Variants in ALDH3A2 observed in about 807,000 individuals in gnomAD.
The protein encoded by ALDH3A2 is aldehyde dehydrogenase family 3 member A2.
Under a neutral mutation model 51.3 loss-of-function variants are expected in ALDH3A2, and 36 were observed. The ratio of observed to expected loss-of-function variants is 0.70; its 90% CI spans 0.54 to 0.93. The LOEUF is 0.93. Ranked by LOEUF, ALDH3A2 falls within the 40% of genes least tolerant of loss-of-function variation. ALDH3A2 has a pLI of 0.00. For missense variants in ALDH3A2, 552 were observed against 603.1 expected, an observed-to-expected ratio of 0.92 and a Z score of 0.89; for synonymous variants, 199 against 219.8, an observed-to-expected ratio of 0.91 and a Z score of 0.84.
chr17:19,671,677 A>G, intron 8 of ALDH3A2, 44 bp from the exon 9 acceptor site: 2 of 1,543,640 alleles, frequency 1.3e-6, no homozygotes, highest in East Asian at 2.2e-5. Context: ...AGTAGCTTGC[A>G]TCATCTACAG....
chr17:19,648,939 C>T lies in ALDH3A2; in HGVS notation c.-33C>T, dbSNP rs2084773323. ...TTCCCGCCTCCCACTCCCCAGCGCC[C>T]CCGGACCGTGCAGTTCTCTGCAGGA... On this transcript the variant is annotated 5_prime_UTR_variant, in exon 1 of 10. Transcript: ENST00000176643. 1 of 1,562,258 alleles carries T rather than the reference C, an allele frequency of 6.4e-7. No individual in the cohort carries two copies. The highest frequency in any genetic ancestry group is 8.7e-7 in the Non-Finnish European group (1 of 1,154,518).
chr17:19,663,294 G>T, intron 6 of ALDH3A2, 39 bp from the exon 7 acceptor site: 2 of 1,604,958 alleles, frequency 1.2e-6, no homozygotes, highest in Non-Finnish European at 1.7e-6. Context: ...GTGCATTTTT[G>T]TCTAATAAGC....
intron 3 of ALDH3A2, chr17:19,656,022 A>G: frequency 2.7e-6 from 1 of 366,514 alleles, no homozygotes; most frequent in South Asian, 2.2e-5. Flanking sequence ...GTCCTGTGGG[A>G]GCCACTCTTC....
Position 19,656,411 on chromosome 17 carries a change from C to T in ALDH3A2, c.517C>T (p.Leu173Phe). The T allele has an allele frequency of 6.2e-7, 1 of 1,614,178 alleles. No homozygotes were observed. The highest frequency in any genetic ancestry group is 8.5e-7 in the Non-Finnish European group (1 of 1,180,020). ...INGGVEETTE[L>F]LKQRFDHIFY... The stretch of plus-strand genomic sequence containing the variant: ...TGGTGGTGTTGAGGAAACCACGGAG[C>T]TCCTGAAGCAGCGATTTGACCACAT... The change falls in exon 4 of 10, where the codon CTC becomes TTC. Residue 173 changes from leucine (L) to phenylalanine (F), a missense_variant. Coordinates refer to ENST00000176643, the MANE Select transcript of ALDH3A2 (RefSeq NM_000382.3).
At chr17:19,669,869 G>A (rs1332875619) in intron 8 of ALDH3A2, among the ~76,000 whole-genome samples, 2 of 152,044 alleles carry the variant, frequency 1.3e-5, no homozygotes, top group Non-Finnish European at 2.9e-5. Flanking sequence ...TGAATTCCTG[G>A]GCTCAAGCAA....
At chr17:19,650,502 G>C (rs181657601) in intron 1 of ALDH3A2, among the ~76,000 whole-genome samples, 7 of 151,742 alleles carry the variant, frequency 4.6e-5, no homozygotes, top group African/African-American at 1.5e-4. Flanking sequence ...CTCCCAGGCC[G>C]GACTGCAGTG....
intron 8 of ALDH3A2, among the ~76,000 whole-genome samples, chr17:19,665,248 A>G (rs1186675914): frequency 2.6e-5 from 4 of 150,982 alleles, no homozygotes; most frequent in East Asian, 3.9e-4. Context: ...ATGTCTTGTC[A>G]CTCTCTTTCT....
Position 19,651,761 on chromosome 17 carries a change from T to C in ALDH3A2, c.368T>C (p.Ile123Thr), listed in dbSNP as rs1426073028. 3 of 1,614,172 alleles carry C rather than the reference T, an allele frequency of 1.9e-6. No homozygotes were observed. The highest frequency in any genetic ancestry group is 2.5e-6 in the Non-Finnish European group (3 of 1,180,004). The change falls in exon 2 of 10, where the codon ATA (isoleucine) becomes ACA (threonine). Residue 123 changes from isoleucine (I) to threonine (T), a missense_variant. Coordinates refer to ENST00000176643, the MANE Select transcript of ALDH3A2 (RefSeq NM_000382.3). ...TTCGTTCTCACCATTCAGCCACTGA[T>C]AGGAGCCATCGCTGCAGGTCTGGTG... The part of the protein sequence containing the change: ...YPFVLTIQPL[I>T]GAIAAGNAVI...
chr17:19,668,353 T>G (rs1234337802), intron 8 of ALDH3A2, among the ~76,000 whole-genome samples: 1 of 152,100 alleles, frequency 6.6e-6, no homozygotes, highest in Non-Finnish European at 1.5e-5. Flanking sequence ...CTTCAAGCAA[T>G]TCTCCTGCCC....
intron 4 of ALDH3A2, among the ~76,000 whole-genome samples, 174 bp from the exon 5 acceptor site, chr17:19,657,570 CT>C (rs1481762813): frequency 6.6e-6 from 1 of 152,228 alleles, no homozygotes; most frequent in Non-Finnish European, 1.5e-5. Flanking sequence ...TTGGAAAATA[CT>C]TTCTAAGTTC....
intron 4 of ALDH3A2, 50 bp from the exon 5 acceptor site, chr17:19,657,695 T>C: frequency 8.2e-7 from 1 of 1,222,974 alleles, no homozygotes; most frequent in Non-Finnish European, 1.2e-6. Context: ...CAAATGAATA[T>C]TTGACTGAAT....
intron 3 of ALDH3A2, chr17:19,655,284 T>G (rs1345359411): frequency 6.6e-6 from 1 of 152,230 alleles, no homozygotes; most frequent in Admixed American, 6.5e-5. Context: ...GTTAGAGCCA[T>G]TTTGTTCTAA....
At chr17:19,658,439 T>G in intron 5 of ALDH3A2, among the ~76,000 whole-genome samples, 1 of 151,092 alleles carries the variant, frequency 6.6e-6, no homozygotes, top group Admixed American at 6.6e-5. Context: ...TAGAAAGGAA[T>G]GGGGGCTGGG....
At chr17:19,675,463 G>A in intron 9 of ALDH3A2, 95 bp from the exon 10 acceptor site, 2 of 1,243,636 alleles carry the variant, frequency 1.6e-6, no homozygotes, top group Admixed American at 1.7e-5. Flanking sequence ...GACAGGAGGT[G>A]TCTGAGTCCC....
In ALDH3A2 at chr17:19,655,367, AC is replaced by A. The variant is rs1266215297; in HGVS notation, c.472-997del. 2.0e-5 allele frequency: 3 copies of A among 152,308 alleles called. No individual in the cohort carries two copies. The East Asian group carries it at 5.8e-4, about 29-fold the overall frequency. The allele number at this position is 152,308 out of a possible 1,614,324, so 9.4% of individuals were successfully genotyped here. A position where few individuals can be genotyped will look rare whatever the true frequency, so the allele number is the denominator to read the frequency against. On this transcript the variant is annotated intron_variant, in intron 3 of 9. Transcript: ENST00000176643. ...TGTCAAGGATTGAATAGGACGTAGA[AC>A]CAGAAGATAGAGGTTGAAGGTACCG...
At chr17:19,671,085 A>G (rs1005496547) in intron 8 of ALDH3A2, among the ~76,000 whole-genome samples, 1 of 152,178 alleles carries the variant, frequency 6.6e-6, no homozygotes, top group South Asian at 2.1e-4. Context: ...TGTACACACA[A>G]TGAATTAGAG....
intron 9 of ALDH3A2, chr17:19,674,596 A>AG (rs892370025): frequency 4.6e-5 from 7 of 152,162 alleles, no homozygotes; most frequent in Non-Finnish European, 1.0e-4. Context: ...CTACAGGGTG[A>AG]GGGAGTAGGT....
At chr17:19,657,055 G>T (rs4646797) in intron 4 of ALDH3A2, among the ~76,000 whole-genome samples, 31,241 of 152,146 alleles carry the variant, frequency 0.21, 3,646 homozygotes, top group East Asian at 0.39. Context: ...GAGGTTTCAG[G>T]TTCTCTCTGC....
intron 4 of ALDH3A2, 127 bp from the exon 5 acceptor site, chr17:19,657,618 T>C: frequency 1.3e-6 from 1 of 776,164 alleles, no homozygotes; most frequent in Non-Finnish European, 2.2e-6. Context: ...TTAACTTTTT[T>C]ATAAAAATTG....
Sources: allele counts gnomAD v4.1 joint callset (sites outside exome capture counted in the v4.1 genomes callset), GRCh38; gene constraint gnomAD v4.1.1; transcripts MANE v1.5; gene names NCBI Gene and HGNC (gene_info 2026-07-23, HGNC 2026-07-21).